Variants in BRD2 observed in about 807,000 individuals in gnomAD.
BRD2 encodes bromodomain containing 2.
Under a neutral mutation model 79.1 loss-of-function variants are expected in BRD2, and 15 were observed. That is an observed-to-expected ratio of 0.19 (90% CI 0.13 to 0.29). The LOEUF (loss-of-function observed/expected upper bound fraction) is 0.29. Ranked by LOEUF, BRD2 falls within the 10% of genes least tolerant of loss-of-function variation. The probability of loss-of-function intolerance (pLI) is 1.00; values close to 1 mark genes in which losing one functional copy is unlikely to be tolerated. For synonymous variants in BRD2, 488 were observed against 358.6 expected, an observed-to-expected ratio of 1.36 and a Z score of -4.08; for missense variants, 1,053 against 991.3, an observed-to-expected ratio of 1.06 and a Z score of -0.84.
rs1472432997 is a variant in BRD2 at position 32,976,547 on chromosome 6, T to C, written c.826-15T>C. On this transcript the variant is annotated splice_polypyrimidine_tract_variant and intron_variant, in intron 6 of 12. Transcript: ENST00000374825. Reference sequence around the variant, plus strand: ...GCTTGGAGTGACAGGTTCCCTATCTTGTTTCTTTCTGCAGAAAAAAGGCGT... The same window carrying C: ...GCTTGGAGTGACAGGTTCCCTATCTCGTTTCTTTCTGCAGAAAAAAGGCGT... 2 of 1,591,162 alleles carry C rather than the reference T, an allele frequency of 1.3e-6. No homozygotes were observed. Among genetic ancestry groups the C allele is most frequent in the Non-Finnish European group, 1.7e-6 (2 of 1,170,374 alleles).
chr6:32,974,396 T>G (rs1305632184), intron 2 of BRD2, 66 bp from the exon 3 acceptor site: 2 of 1,506,372 alleles, frequency 1.3e-6, no homozygotes. Flanking sequence ...TTCATCAGAC[T>G]ATTGTGCAGA....
At chr6:32,977,406 T>C (rs771814627) in intron 7 of BRD2, 36 bp from the exon 8 acceptor site, 28 of 1,613,398 alleles carry the variant, frequency 1.7e-5, no homozygotes, top group Non-Finnish European at 2.4e-5. Flanking sequence ...TGAGTCTTCC[T>C]GCCTGTGCAG....
intron 2 of BRD2, 143 bp from the exon 3 acceptor site, chr6:32,974,319 G>C (rs755407538): frequency 6.2e-6 from 5 of 802,382 alleles, no homozygotes; most frequent in African/African-American, 1.7e-5. Context: ...CAGATTGTTT[G>C]GATATTGTTT....
intron 1 of BRD2, among the ~76,000 whole-genome samples, chr6:32,969,604 C>A (rs73409610): frequency 0.038 from 5,844 of 152,276 alleles, 153 homozygotes; most frequent in African/African-American, 0.07. Flanking sequence ...CGCTTCGAGT[C>A]GCTTACCGAA....
In BRD2 at chr6:32,977,815, T is replaced by C. The variant is rs768550012; in HGVS notation, c.1388T>C (p.Leu463Ser). 6.8e-6 allele frequency: 11 copies of C among 1,612,974 alleles called. No individual in the cohort carries two copies. Among genetic ancestry groups the C allele is most frequent in the Non-Finnish European group, 9.3e-6 (11 of 1,180,050 alleles). ...MPDEPLEPGP[L>S]PVSTAMPPGL... Reference sequence around the variant, plus strand: ...GATGAACCACTAGAACCAGGGCCTTTACCAGTCTCTACTGCCATGCCCCCT... The same window carrying C: ...GATGAACCACTAGAACCAGGGCCTTCACCAGTCTCTACTGCCATGCCCCCT... Residue 463 changes from leucine (L) to serine (S), a missense_variant, in exon 9 of 13, where the codon TTA (leucine) becomes TCA (serine). Physicochemically the swap from Leu to Ser is moderately radical, Grantham distance 145. This residue lies in a region of BRD2 where 454 missense variants were observed against 430.5 expected (regional missense o/e 1.05). Transcript: ENST00000374825.
rs554098597 is a variant in BRD2 at position 32,979,695 on chromosome 6, C to T, written c.1842-133C>T. ...TATACAGTGTCCCAGTAGCCCACCT[C>T]TTACTTGGCCATTGAATGGAAAAAC... On this transcript the variant is annotated intron_variant, in intron 10 of 12. Transcript: ENST00000374825. 4 of 1,068,224 alleles carry T rather than the reference C, an allele frequency of 3.7e-6. No homozygotes were observed. The East Asian group carries it at 1.0e-4, about 28-fold the overall frequency. The allele number at this position is 1,068,224 out of a possible 1,614,324, so 66.2% of individuals were successfully genotyped here.
chr6:32,979,397 G>GT (rs1475806588), intron 10 of BRD2: 1 of 180,014 alleles, frequency 5.6e-6, no homozygotes, highest in East Asian at 1.6e-4. Flanking sequence ...GTTTGGTAGT[G>GT]TTTAAGGGAG....
rs200226207 is a variant in BRD2, at chr6:32,971,785, C to T, written c.-1114C>T. ...TCTCCAGTTGGGCTGTGCATGGAAG[C>T]TTGGGAAGACTTTGTTGGAAGGGGA... On this transcript the variant is annotated 5_prime_UTR_variant, in exon 2 of 13. Coordinates refer to ENST00000374825, the MANE Select transcript of BRD2 (RefSeq NM_005104.4). The T allele has an allele frequency of 1.6e-6, 1 of 628,738 alleles. No homozygotes were observed. The highest frequency in any genetic ancestry group is 2.8e-6 in the Non-Finnish European group (1 of 351,664). 38.9% of individuals were successfully genotyped at this position (628,738 alleles called of 1,614,324 possible).
In BRD2 at chr6:32,980,092, T is replaced by C. The variant is rs1325033189; in HGVS notation, c.2106T>C (p.Tyr702=). Residue 702 remains tyrosine, a synonymous_variant, in exon 11 of 13, where the codon TAT becomes TAC. Coordinates refer to ENST00000374825, the MANE Select transcript of BRD2 (RefSeq NM_005104.4). ...KPSTLRELER[Y]VLSCLRKKPR... is the part of the protein sequence containing the mutation. ...CCACACTTAGAGAGCTTGAGCGCTA[T>C]GTCCTTTCCTGCCTACGTAAGAAAC... The C allele has an allele frequency of 6.2e-7, 1 of 1,612,834 alleles. No homozygotes were observed. Among genetic ancestry groups the C allele is most frequent in the African/African-American group, 1.3e-5 (1 of 75,030 alleles).
At chr6:32,972,959 G>C in intron 2 of BRD2, 32 bp downstream of exon 2, 2 of 1,614,050 alleles carry the variant, frequency 1.2e-6, no homozygotes, top group Non-Finnish European at 1.7e-6. Context: ...GTGGGAAGGG[G>C]ATGTTGCAGG....
Position 32,977,086 on chromosome 6 carries a change from T to C in BRD2, c.1200+150T>C, listed in dbSNP as rs151159185. On this transcript the variant is annotated intron_variant, in intron 7 of 12. Transcript: ENST00000374825. ...ATAGTGGAACAGAAGGTCTGGTGTT[T>C]TGAGAATTTGTATTTCTTGGAGTTT... is the stretch of plus-strand genomic sequence containing the variant. 2.7e-4 allele frequency: 339 copies of C among 1,270,938 alleles called. 2 individuals carry two copies. In the Middle Eastern group the frequency reaches 3.1e-3, roughly 12 times the overall value. The allele number at this position is 1,270,938 out of a possible 1,614,324, so 78.7% of individuals were successfully genotyped here.
intron 2 of BRD2, among the ~76,000 whole-genome samples, chr6:32,973,379 ACT>A (rs1209246698): frequency 1.3e-5 from 2 of 151,340 alleles, no homozygotes; most frequent in South Asian, 2.1e-4. Flanking sequence ...TAAAGGGATC[ACT>A]CTCCCGTGTG....
At position 32,979,963 on chromosome 6, in the gene BRD2, G is replaced by A; in HGVS notation, c.1977G>A (p.Gly659=). 1 of 1,613,198 alleles carries A rather than the reference G, an allele frequency of 6.2e-7. No homozygotes were observed. The highest frequency in any genetic ancestry group is 2.2e-5 in the East Asian group (1 of 44,882). ...GCCTGGACATCAACAAATTACCTGG[G>A]GAGAAGCTGGGCCGAGTTGTGCATA... ...QLSLDINKLP[G]EKLGRVVHII... The change falls in exon 11 of 13, where the codon GGG becomes GGA. Residue 659 remains glycine, a synonymous_variant. Transcript: ENST00000374825.
intron 8 of BRD2, 55 bp from the exon 9 acceptor site, chr6:32,977,702 T>A (rs1211019651): frequency 5.6e-6 from 9 of 1,607,248 alleles, no homozygotes; most frequent in Admixed American, 3.3e-5. Flanking sequence ...ACTTGGTGGC[T>A]GGGTATGTAG....
In BRD2 at chr6:32,974,762, A is replaced by T. The variant is rs1431924897; in HGVS notation, c.330A>T (p.Leu110=). The T allele has an allele frequency of 6.2e-7, 1 of 1,613,320 alleles. No individual in the cohort carries two copies. Among genetic ancestry groups the T allele is most frequent in the Non-Finnish European group, 8.5e-7 (1 of 1,179,536 alleles). The part of the protein sequence containing the change: ...RQPVDAVKLG[L]PDYHKIIKQP... ...CTGTGGATGCTGTCAAACTGGGTCT[A>T]CCGGTGAGTAGAGACATTGGAGCCG... The change falls in exon 3 of 13, where the codon CTA becomes CTT. Residue 110 remains leucine (L), a synonymous_variant. Coordinates refer to ENST00000374825, the MANE Select transcript of BRD2 (RefSeq NM_005104.4).
chr6:32,978,829 CAG>C (rs9280239), intron 10 of BRD2: 20,037 of 175,042 alleles, frequency 0.11, 1,511 homozygotes, highest in African/African-American at 0.22. Context: ...CTTTGGGAGT[CAG>C]GGTGTTTCAC....
rs2127526976 is a variant in BRD2 at position 32,980,019 on chromosome 6, A to T, written c.2033A>T (p.Asp678Val). The change falls in exon 11 of 13, where the codon GAT (aspartate) becomes GTT (valine). Residue 678 changes from aspartate to valine, a missense_variant. Physicochemically the swap from Asp to Val is radical, Grantham distance 152 (BLOSUM62 -3). Transcript: ENST00000374825. Reference sequence around the variant, plus strand: ...CAAGCCAGGGAGCCCTCTTTACGTGATTCAAACCCAGAAGAGATTGAGATT... The same window carrying T: ...CAAGCCAGGGAGCCCTCTTTACGTGTTTCAAACCCAGAAGAGATTGAGATT... ...IIQAREPSLR[D>V]SNPEEIEIDF... The T allele has an allele frequency of 6.2e-7, 1 of 1,613,110 alleles. No individual in the cohort carries two copies. Among genetic ancestry groups the T allele is most frequent in the Non-Finnish European group, 8.5e-7 (1 of 1,180,034 alleles).
At position 32,980,840 on chromosome 6, in the gene BRD2, T is replaced by G; in HGVS notation, c.*122T>G. ...CATCTCACCCCCCCCCGCCCCCCTC[T>G]AGGAGAGCTGGCTCTGCAGTGGGGG... On this transcript the variant is annotated 3_prime_UTR_variant, in exon 13 of 13. Transcript: ENST00000374825. 2 of 1,203,916 alleles carry G rather than the reference T, an allele frequency of 1.7e-6. No homozygotes were observed. Among genetic ancestry groups the G allele is most frequent in the Non-Finnish European group, 2.3e-6 (2 of 857,148 alleles). 74.6% of individuals were successfully genotyped at this position (1,203,916 alleles called of 1,614,324 possible).
chr6:32,975,251 AG>A, intron 3 of BRD2, 132 bp from the exon 4 acceptor site: 1 of 1,091,978 alleles, frequency 9.2e-7, no homozygotes, highest in Non-Finnish European at 1.3e-6. Flanking sequence ...TTGGGGCCGC[AG>A]TTTAAGTAAC....
Sources: allele counts gnomAD v4.1 joint callset (sites outside exome capture counted in the v4.1 genomes callset), GRCh38; gene constraint gnomAD v4.1.1; regional missense constraint gnomAD v4.1.1; transcripts MANE v1.5; gene names NCBI Gene and HGNC (gene_info 2026-07-23, HGNC 2026-07-21).